Variants in OTUD7A observed in about 807,000 individuals in gnomAD.
The protein encoded by OTUD7A is OTU domain-containing protein 7A.
OTUD7A carries 12 observed loss-of-function variants against 65.7 expected under a neutral mutation model. The observed-to-expected ratio is 0.18, with a 90% CI of 0.12 to 0.30. The LOEUF is 0.30. OTUD7A is among the 10% of genes least tolerant of loss of function. The pLI is 1.00. For missense variants in OTUD7A, 1,148 were observed against 1,304.8 expected, an observed-to-expected ratio of 0.88 and a Z score of 1.85; for synonymous variants, 641 against 586.3, an observed-to-expected ratio of 1.09 and a Z score of -1.35.
chr15:31,565,193 T>C (rs1056196366), intron 4 of OTUD7A, among the ~76,000 whole-genome samples: 12 of 152,170 alleles, frequency 7.9e-5, no homozygotes, highest in Non-Finnish European at 1.5e-4. Context: ...GCTGAGCTAA[T>C]AGAAACAAAG....
rs1028229937 is a variant in OTUD7A at position 31,479,446 on chromosome 15, T to C, written c.*3848A>G. ...AAAGAAAGGAGCCCCAAACATACAG[T>C]AGATGCCTTCAGCTTTTACTCCAGG... On this transcript the variant is annotated 3_prime_UTR_variant, in exon 13 of 13. Coordinates refer to ENST00000307050, the MANE Select transcript of OTUD7A (RefSeq NM_001382637.1). 1.3e-5 allele frequency: 2 copies of C among 152,164 alleles called. No homozygotes were observed. Among genetic ancestry groups the C allele is most frequent in the Non-Finnish European group, 2.9e-5 (2 of 68,032 alleles). 9.4% of individuals were successfully genotyped at this position (152,164 alleles called of 1,614,324 possible). A position where few individuals can be genotyped will look rare whatever the true frequency, so the allele number is the denominator to read the frequency against.
rs192403944 is a variant in OTUD7A, at chr15:31,831,099, G to A, written c.-100+39408C>T. Among the ~76,000 whole-genome samples the A allele has an allele frequency of 4.7e-3, 709 of 152,216 alleles. 11 individuals carry two copies. The highest frequency in any genetic ancestry group is 4.8e-3 in the Non-Finnish European group (328 of 68,006). On this transcript the variant is annotated intron_variant, in intron 1 of 12. Coordinates refer to ENST00000307050, the MANE Select transcript of OTUD7A (RefSeq NM_001382637.1). ...CAACAAATGATGCTGAAAAATTTGGGTATCCACATAGAAAAAAGAAACTTG... is the reference window on the plus strand; with the variant it reads ...CAACAAATGATGCTGAAAAATTTGGATATCCACATAGAAAAAAGAAACTTG...
In OTUD7A at chr15:31,645,238, C is replaced by T. The variant is rs185989236; in HGVS notation, c.151+9858G>A. On this transcript the variant is annotated intron_variant, in intron 3 of 12. Transcript: ENST00000307050. ...GACTAACCTTGTTTGTTTCCAATCT[C>T]TTGGGGACTACTGTCCTTTACTGTC... Among the ~76,000 whole-genome samples, 22 of 152,308 alleles carry T rather than the reference C, an allele frequency of 1.4e-4. No homozygotes were observed. In the East Asian group the frequency reaches 4.2e-3, roughly 29 times the overall value.
intron 1 of OTUD7A, among the ~76,000 whole-genome samples, chr15:31,758,440 C>T (rs754715606): frequency 7.5e-5 from 11 of 146,304 alleles, no homozygotes; most frequent in African/African-American, 2.5e-4. Flanking sequence ...TTAGCAGGTA[C>T]GATCACACAA....
intron 5 of OTUD7A, among the ~76,000 whole-genome samples, chr15:31,533,135 T>C (rs1887687090): frequency 6.6e-6 from 1 of 151,790 alleles, no homozygotes; most frequent in African/African-American, 2.4e-5. Context: ...CCTTAAAAGC[T>C]GCCAAGGAGA....
chr15:31,694,065 A>G (rs1349657939), intron 1 of OTUD7A, among the ~76,000 whole-genome samples: 4 of 152,196 alleles, frequency 2.6e-5, no homozygotes, highest in Non-Finnish European at 4.4e-5. Flanking sequence ...TCCAGGACTG[A>G]CTGCTGGGAA....
chr15:31,827,517 A>G (rs954272880), intron 1 of OTUD7A, among the ~76,000 whole-genome samples: 1 of 152,208 alleles, frequency 6.6e-6, no homozygotes, highest in South Asian at 2.1e-4. Flanking sequence ...AAACTGTATC[A>G]TTTACCAAAA....
chr15:31,622,196 A>AT (rs1890809275), intron 3 of OTUD7A, among the ~76,000 whole-genome samples: 1 of 151,672 alleles, frequency 6.6e-6, no homozygotes. Flanking sequence ...TGCCCTTAAC[A>AT]TTTTTTCCTT....
At chr15:31,842,912 A>G (rs1220882161) in intron 1 of OTUD7A, among the ~76,000 whole-genome samples, 1 of 152,058 alleles carries the variant, frequency 6.6e-6, no homozygotes, top group East Asian at 1.9e-4. Flanking sequence ...CATGCATCCT[A>G]ATTAATGCTC....
chr15:31,575,984 C>A (rs1250999620), intron 3 of OTUD7A, among the ~76,000 whole-genome samples: 1 of 152,106 alleles, frequency 6.6e-6, no homozygotes, highest in Non-Finnish European at 1.5e-5. Flanking sequence ...TGATAAAGTA[C>A]TGAGGGATAT....
chr15:31,745,683 T>C (rs568606639), intron 1 of OTUD7A, among the ~76,000 whole-genome samples: 1 of 152,210 alleles, frequency 6.6e-6, no homozygotes, highest in East Asian at 1.9e-4. Context: ...AAAATGAACA[T>C]GTTAGACTTT....
At chr15:31,796,597 A>G (rs1305555563) in intron 1 of OTUD7A, among the ~76,000 whole-genome samples, 1 of 152,232 alleles carries the variant, frequency 6.6e-6, no homozygotes, top group Non-Finnish European at 1.5e-5. Flanking sequence ...GATTGAAACA[A>G]AATTTAATCA....
intron 1 of OTUD7A, among the ~76,000 whole-genome samples, chr15:31,675,928 T>C (rs1290351393): frequency 1.3e-5 from 2 of 152,172 alleles, no homozygotes; most frequent in African/African-American, 2.4e-5. Context: ...GAAGACTATA[T>C]TGGTAAGTTG....
chr15:31,596,602 A>G (rs1200289818), intron 3 of OTUD7A, among the ~76,000 whole-genome samples: 2 of 152,330 alleles, frequency 1.3e-5, no homozygotes, highest in Non-Finnish European at 2.9e-5. Context: ...CCTTTGTAAC[A>G]TTGGAAAGTT....
chr15:31,863,705 G>C (rs188940421), intron 1 of OTUD7A, among the ~76,000 whole-genome samples: 2 of 152,330 alleles, frequency 1.3e-5, no homozygotes, highest in African/African-American at 4.8e-5. Flanking sequence ...CTGTTCTCCA[G>C]AGGGGCTGCC....
chr15:31,785,154 A>C (rs1425026798), intron 1 of OTUD7A, among the ~76,000 whole-genome samples: 1 of 152,206 alleles, frequency 6.6e-6, no homozygotes, highest in African/African-American at 2.4e-5. Flanking sequence ...GTACACTTTG[A>C]TGGATCTAGA....
At chr15:31,534,108 C>CA (rs1002175441) in intron 5 of OTUD7A, among the ~76,000 whole-genome samples, 3 of 151,918 alleles carry the variant, frequency 2.0e-5, no homozygotes, top group East Asian at 3.9e-4. Context: ...ATACCAAAAT[C>CA]AAAAAAAGTA....
chr15:31,600,399 C>T (rs1013918640), intron 3 of OTUD7A, among the ~76,000 whole-genome samples: 1 of 152,164 alleles, frequency 6.6e-6, no homozygotes, highest in Non-Finnish European at 1.5e-5. Context: ...CCTTTACAGA[C>T]AGGCAAATGC....
At position 31,489,986 on chromosome 15, in the gene OTUD7A, A is replaced by G. The variant is rs146402358; in HGVS notation, c.1172-2420T>C. Among the ~76,000 whole-genome samples, 383 of 152,320 alleles carry G rather than the reference A, an allele frequency of 2.5e-3. 1 individual carries two copies. Among genetic ancestry groups the G allele is most frequent in the African/African-American group, 8.9e-3 (371 of 41,570 alleles). ...AGGCTCTACGGACATGCCTGCTCAC[A>G]ACTGAAGACACCGAGGGGCTCAAAG... On this transcript the variant is annotated intron_variant, in intron 10 of 12. Transcript: ENST00000307050.
Sources: gnomAD v4.1 joint callset for allele counts (sites outside exome capture counted in the v4.1 genomes callset) on GRCh38, gnomAD v4.1.1 for gene constraint, MANE v1.5 for transcripts, NCBI Gene and HGNC (gene_info 2026-07-23, HGNC 2026-07-21) for gene names.